Variants in NAPEPLD observed in about 807,000 individuals in gnomAD.
NAPEPLD encodes N-acyl-phosphatidylethanolamine-hydrolyzing phospholipase D.
In NAPEPLD, 23 loss-of-function variants were observed where a neutral mutation model predicts 38.1. That is an observed-to-expected ratio of 0.60 (90% confidence interval 0.43 to 0.86). The LOEUF is 0.86. Among genes scored for constraint, NAPEPLD ranks in the 40% least tolerant of loss-of-function variants. The pLI, the probability that NAPEPLD is intolerant of heterozygous loss-of-function variation, is 0.00. For missense variants in NAPEPLD, 411 were observed against 476.8 expected (o/e 0.86, Z 1.28); for synonymous variants, 147 against 162.0 (o/e 0.91, Z 0.71).
intron 1 of NAPEPLD, among the ~76,000 whole-genome samples, chr7:103,138,046 C>T (rs866792199): frequency 4.0e-5 from 6 of 149,884 alleles, no homozygotes; most frequent in African/African-American, 1.5e-4. Context: ...GGTGCAATCT[C>T]GGCTCACTGC....
intron 1 of NAPEPLD, among the ~76,000 whole-genome samples, chr7:103,136,728 T>C (rs941293882): frequency 6.6e-6 from 1 of 151,776 alleles, no homozygotes; most frequent in Non-Finnish European, 1.5e-5. Flanking sequence ...AGTTACTGAA[T>C]TTTTTTCATT....
chr7:103,144,219 T>C (rs1812087825), intron 1 of NAPEPLD, among the ~76,000 whole-genome samples: 1 of 152,234 alleles, frequency 6.6e-6, no homozygotes, highest in South Asian at 2.1e-4. Context: ...CTTGAGTAGA[T>C]ACCTAGGTTC....
In NAPEPLD at chr7:103,128,332, T is replaced by C. The variant is rs903431706; in HGVS notation, c.294+151A>G. ...TTGGTTATTCCTATATGTACTCTGC[T>C]ACTGAACGATGAACTTTAGGGCCTA... is the stretch of plus-strand genomic sequence containing the variant. On this transcript the variant is annotated intron_variant, in intron 2 of 4. Transcript: ENST00000465647. The C allele has an allele frequency of 9.3e-6, 8 of 862,340 alleles. No homozygotes were observed. In the Admixed American group the frequency reaches 2.0e-4, roughly 21 times the overall value. 53.4% of individuals were successfully genotyped at this position (862,340 alleles called of 1,614,324 possible). A position where few individuals can be genotyped will look rare whatever the true frequency, so the allele number is the denominator to read the frequency against.
At chr7:103,142,629 C>A (rs1419639425) in intron 1 of NAPEPLD, among the ~76,000 whole-genome samples, 4 of 151,904 alleles carry the variant, frequency 2.6e-5, no homozygotes, top group Non-Finnish European at 5.9e-5. Flanking sequence ...TGTACTCAAT[C>A]CAACTGAGTC....
At chr7:103,134,563 T>C (rs113805685) in intron 1 of NAPEPLD, among the ~76,000 whole-genome samples, 1 of 151,984 alleles carries the variant, frequency 6.6e-6, no homozygotes, top group South Asian at 2.1e-4. Context: ...GGCAGGAAAA[T>C]CACTTGAACC....
chr7:103,131,770 A>T (rs774269113), intron 1 of NAPEPLD, among the ~76,000 whole-genome samples: 1 of 152,106 alleles, frequency 6.6e-6, no homozygotes, highest in Non-Finnish European at 1.5e-5. Flanking sequence ...CCCTCTAAGG[A>T]GGTTAGGCTA....
chr7:103,111,149 A>G (rs1334615720), intron 4 of NAPEPLD, among the ~76,000 whole-genome samples: 3 of 152,350 alleles, frequency 2.0e-5, no homozygotes, highest in African/African-American at 7.2e-5. Context: ...GCTCATGGAT[A>G]GGAAGAATCA....
intron 4 of NAPEPLD, among the ~76,000 whole-genome samples, chr7:103,110,738 G>A (rs919408852): frequency 2.0e-5 from 3 of 152,068 alleles, no homozygotes; most frequent in African/African-American, 7.2e-5. Flanking sequence ...GGGCAATCAG[G>A]CAAGAGAAAG....
chr7:103,117,632 G>A (rs979912527), intron 3 of NAPEPLD, among the ~76,000 whole-genome samples: 1 of 152,052 alleles, frequency 6.6e-6, no homozygotes, highest in Admixed American at 6.5e-5. Flanking sequence ...TTCTAAAGCC[G>A]TTAACAGTAA....
At chr7:103,120,695 A>ATTTTTTT (rs1563355903) in intron 2 of NAPEPLD, among the ~76,000 whole-genome samples, 8 of 33,002 alleles carry the variant, frequency 2.4e-4, no homozygotes, top group Non-Finnish European at 4.8e-4. Context: ...TGAATCTGAT[A>ATTTTTTT]TTTTTCTTTT....
At chr7:103,109,846 A>G (rs1470093649) in intron 4 of NAPEPLD, among the ~76,000 whole-genome samples, 3 of 152,120 alleles carry the variant, frequency 2.0e-5, no homozygotes, top group Non-Finnish European at 2.9e-5. Context: ...AACAAAAGAG[A>G]GAAGAATCAA....
chr7:103,145,789 A>T (rs1194556098), intron 1 of NAPEPLD, among the ~76,000 whole-genome samples: 1 of 152,214 alleles, frequency 6.6e-6, no homozygotes, highest in Non-Finnish European at 1.5e-5. Flanking sequence ...AATTATGCTT[A>T]AAAACACTTG....
intron 1 of NAPEPLD, among the ~76,000 whole-genome samples, chr7:103,135,218 A>G (rs760318098): frequency 1.7e-4 from 26 of 152,250 alleles, no homozygotes; most frequent in Admixed American, 2.6e-4. Flanking sequence ...ACTAAATAAC[A>G]TTAAACTTAC....
At chr7:103,110,662 C>G (rs923738716) in intron 4 of NAPEPLD, among the ~76,000 whole-genome samples, 7 of 152,164 alleles carry the variant, frequency 4.6e-5, no homozygotes, top group Non-Finnish European at 1.0e-4. Context: ...CCTTTGAAAA[C>G]CAGCACAAGA....
upstream of NAPEPLD, chr7:103,149,520 G>A (rs1360400252): frequency 6.4e-6 from 8 of 1,258,286 alleles, no homozygotes; most frequent in Non-Finnish European, 8.2e-6. Context: ...CCCTTATTAT[G>A]ACCTTCGAAT....
intron 4 of NAPEPLD, among the ~76,000 whole-genome samples, chr7:103,113,003 C>T (rs1261365167): frequency 6.6e-6 from 1 of 152,168 alleles, no homozygotes; most frequent in Non-Finnish European, 1.5e-5. Flanking sequence ...TTAATCCTCT[C>T]TCATCTTCCC....
chr7:103,107,481 T>G (rs1803604571), intron 4 of NAPEPLD, among the ~76,000 whole-genome samples: 2 of 151,948 alleles, frequency 1.3e-5, no homozygotes, highest in Non-Finnish European at 1.5e-5. Context: ...TCTAACCCAA[T>G]GCAAGGAAGC....
chr7:103,110,363 G>A (rs891105577), intron 4 of NAPEPLD, among the ~76,000 whole-genome samples: 3 of 152,124 alleles, frequency 2.0e-5, no homozygotes, highest in Admixed American at 6.5e-5. Flanking sequence ...GAACCCAGCA[G>A]CACATCATAA....
At chr7:103,141,919 C>T in intron 1 of NAPEPLD, 2 of 1,000,506 alleles carry the variant, frequency 2.0e-6, no homozygotes, top group Non-Finnish European at 3.2e-6. Context: ...CAAGCCTCTT[C>T]TGAAGCCTGA....
Sources: gnomAD v4.1 joint callset for allele counts (sites outside exome capture counted in the v4.1 genomes callset) on GRCh38, gnomAD v4.1.1 for gene constraint, MANE v1.5 for transcripts, NCBI Gene and HGNC (gene_info 2026-07-23, HGNC 2026-07-21) for gene names.